Variants in PDZD2 observed in about 807,000 individuals in gnomAD.
PDZD2 encodes PDZ domain containing 2, also known as PDZ domain-containing protein 2.
In PDZD2, 90 loss-of-function variants were observed where a neutral mutation model predicts 220.7. The observed-to-expected ratio is 0.41, with a 90% CI of 0.34 to 0.49. The LOEUF (loss-of-function observed/expected upper bound fraction) is 0.49. PDZD2 is among the 20% of genes least tolerant of loss of function. PDZD2 has a pLI of 0.28. For synonymous variants in PDZD2, 1,375 were observed against 1,450.5 expected, an observed-to-expected ratio of 0.95 and a Z score of 1.18; for missense variants, 3,174 against 3,608.5, an observed-to-expected ratio of 0.88 and a Z score of 3.08.
chr5:31,930,622 C>A (rs1745197281), intron 2 of PDZD2, among the ~76,000 whole-genome samples: 1 of 152,120 alleles, frequency 6.6e-6, no homozygotes, highest in African/African-American at 2.4e-5. Flanking sequence ...TTGAGTGTTT[C>A]AAGCAGATGT....
In PDZD2 at chr5:32,083,823, TG is replaced by T. The variant is rs1742198973; in HGVS notation, c.3683-3307del. On this transcript the variant is annotated intron_variant, in intron 19 of 24. Transcript: ENST00000438447. The surrounding 1 kb of genome is among the most constrained non-coding windows in gnomAD (Gnocchi z 4.1). ...TCCCAAGCAGCTGGGATTACAGACG[TG>T]CACCACCACACCTGGCTAATTTTTG... 6.6e-6 allele frequency among the ~76,000 whole-genome samples: 1 copy of T among 151,936 alleles called. No individual in the cohort carries two copies.
At chr5:32,051,862 C>T (rs147319032) in intron 8 of PDZD2, among the ~76,000 whole-genome samples, 1 of 152,270 alleles carries the variant, frequency 6.6e-6, no homozygotes, top group East Asian at 1.9e-4. Context: ...GAAACAAGGG[C>T]TTGCTGAGTT....
intron 5 of PDZD2, among the ~76,000 whole-genome samples, chr5:32,009,003 C>T (rs1753073728): frequency 6.6e-6 from 1 of 151,552 alleles, no homozygotes; most frequent in Non-Finnish European, 1.5e-5. Flanking sequence ...GGTGGGGAGA[C>T]AGGAGGAGGG....
In PDZD2 at chr5:32,090,691, G is replaced by A. The variant is rs867943785; in HGVS notation, c.7243G>A (p.Ala2415Thr). ...AGCCGGCACCCTCCTGCCCCAGATG[G>A]CCAAGTCTCCCTCAATCATGACACT... ...SEAGTLLPQM[A>T]KSPSIMTLTI... is the part of the protein sequence containing the mutation. Residue 2415 changes from alanine (A) to threonine (T), a missense_variant, in exon 20 of 25, where the codon GCC (alanine) becomes ACC (threonine). Ala to Thr is a moderately conservative substitution (Grantham distance 58). Coordinates refer to ENST00000438447, the MANE Select transcript of PDZD2 (RefSeq NM_178140.4). This position sits in a 1 kb window ranked among gnomAD's most constrained non-coding sequence, Gnocchi z 4.3. 6.2e-7 allele frequency: 1 copy of A among 1,614,144 alleles called. No individual in the cohort carries two copies. Among genetic ancestry groups the A allele is most frequent in the South Asian group, 1.1e-5 (1 of 91,086 alleles).
Position 31,908,523 on chromosome 5 carries a change from C to T in PDZD2, c.477-74632C>T, listed in dbSNP as rs73751253. 8,547 of 1,073,330 alleles carry T rather than the reference C, an allele frequency of 8.0e-3. 476 individuals carry two copies. In the African/African-American group the frequency reaches 0.12, roughly 15 times the overall value. 66.5% of individuals were successfully genotyped at this position (1,073,330 alleles called of 1,614,324 possible). On this transcript the variant is annotated intron_variant, in intron 2 of 24. Coordinates refer to ENST00000438447, the MANE Select transcript of PDZD2 (RefSeq NM_178140.4). ...GTGGAAATGCCTCCGCTGAAGGCCCCGAGGGCGAGGGCACGGAAAGCACAG... is the reference window on the plus strand; with the variant it reads ...GTGGAAATGCCTCCGCTGAAGGCCCTGAGGGCGAGGGCACGGAAAGCACAG...
At chr5:31,910,199 G>C (rs182510770) in intron 2 of PDZD2, among the ~76,000 whole-genome samples, 1 of 148,632 alleles carries the variant, frequency 6.7e-6, no homozygotes, top group Non-Finnish European at 1.5e-5. Flanking sequence ...CCCAGCTGTG[G>C]AGCTCCAGAG....
intron 6 of PDZD2, among the ~76,000 whole-genome samples, chr5:32,026,547 G>T (rs960814284): frequency 1.3e-5 from 2 of 151,958 alleles, no homozygotes; most frequent in African/African-American, 4.8e-5. Flanking sequence ...ATGCGTGCAC[G>T]TGCACGCACG....
chr5:31,763,928 C>CG (rs1315867630), intron 1 of PDZD2, among the ~76,000 whole-genome samples: 2 of 150,426 alleles, frequency 1.3e-5, no homozygotes, highest in Non-Finnish European at 2.9e-5. Flanking sequence ...GTAGTGAGCT[C>CG]GGGCTCTGAC....
intron 2 of PDZD2, among the ~76,000 whole-genome samples, chr5:31,856,282 C>T (rs1758437092): frequency 6.6e-6 from 1 of 152,124 alleles, no homozygotes; most frequent in Non-Finnish European, 1.5e-5. Flanking sequence ...GACCCACCCA[C>T]AGTTAATCCA....
At chr5:31,771,851 T>G (rs1752356396) in intron 1 of PDZD2, among the ~76,000 whole-genome samples, 1 of 152,168 alleles carries the variant, frequency 6.6e-6, no homozygotes, top group Middle Eastern at 3.2e-3. Context: ...ACTTTTCCCT[T>G]CTTAGGCCTC....
At chr5:31,850,237 TATATATAC>T in intron 2 of PDZD2, among the ~76,000 whole-genome samples, 1 of 99,100 alleles carries the variant, frequency 1.0e-5, no homozygotes, top group African/African-American at 3.4e-5. Context: ...TATATATATA[TATATATAC>T]ACACACACAC....
At chr5:32,015,243 G>A (rs904664560) in intron 6 of PDZD2, among the ~76,000 whole-genome samples, 4 of 151,544 alleles carry the variant, frequency 2.6e-5, no homozygotes, top group African/African-American at 7.3e-5. Flanking sequence ...CACCTAGCCC[G>A]ACAATTTCTT....
At position 32,089,112 on chromosome 5, in the gene PDZD2, C is replaced by T. The variant is rs576338336; in HGVS notation, c.5664C>T (p.Leu1888=). The T allele has an allele frequency of 2.5e-6, 4 of 1,614,128 alleles. No homozygotes were observed. Among genetic ancestry groups the T allele is most frequent in the African/African-American group, 2.7e-5 (2 of 75,044 alleles). ...AGTGTGGTCCGAAGCTGAAGAGGCT[C>T]AGCCTCAAGGGCAAGGCCAAAGTCA... is the stretch of plus-strand genomic sequence containing the variant. ...KAKCGPKLKR[L]SLKGKAKVNS... is the part of the protein sequence containing the mutation. Residue 1888 remains leucine, a synonymous_variant, in exon 20 of 25, where the codon CTC becomes CTT. Coordinates refer to ENST00000438447, the MANE Select transcript of PDZD2 (RefSeq NM_178140.4).
rs553560920 is a variant in PDZD2, at chr5:32,020,245, C to T, written c.1407+9763C>T. ...GTCTCAAACTCCTGACCTCGTGATC[C>T]GCCTGCCTTGACCTCCCAAAGTGCT... is the stretch of plus-strand genomic sequence containing the variant. On this transcript the variant is annotated intron_variant, in intron 6 of 24. Transcript: ENST00000438447. Among the ~76,000 whole-genome samples the T allele has an allele frequency of 2.2e-4, 34 of 152,142 alleles. 1 individual carries two copies. The East Asian group carries it at 4.6e-3, about 21-fold the overall frequency.
chr5:32,104,555 C>G (rs1744555453), intron 24 of PDZD2, among the ~76,000 whole-genome samples: 1 of 150,828 alleles, frequency 6.6e-6, no homozygotes, highest in African/African-American at 2.4e-5. Flanking sequence ...GAAACCCCGT[C>G]TCTACTAAAA....
intron 8 of PDZD2, among the ~76,000 whole-genome samples, chr5:32,049,282 G>T (rs761054832): frequency 1.3e-5 from 2 of 152,164 alleles, no homozygotes; most frequent in African/African-American, 2.4e-5. Context: ...GGTAGAAACC[G>T]GTCAGGTGGT....
chr5:31,907,210 T>G (rs1313861696), intron 2 of PDZD2, among the ~76,000 whole-genome samples: 1 of 152,208 alleles, frequency 6.6e-6, no homozygotes, highest in African/African-American at 2.4e-5. Context: ...TTTCTCACAG[T>G]TCTGGAGGCT....
intron 1 of PDZD2, among the ~76,000 whole-genome samples, chr5:31,708,756 G>C (rs1422969668): frequency 6.6e-6 from 1 of 152,116 alleles, no homozygotes. Flanking sequence ...GTCAATTTGG[G>C]GTCACCTTCA....
chr5:32,006,007 C>T (rs1396078839), intron 5 of PDZD2, among the ~76,000 whole-genome samples: 1 of 151,962 alleles, frequency 6.6e-6, no homozygotes, highest in Non-Finnish European at 1.5e-5. Flanking sequence ...ATTAGCCAGG[C>T]ATGGTGGCGT....
Sources: gnomAD v4.1 joint callset for allele counts (sites outside exome capture counted in the v4.1 genomes callset) on GRCh38, gnomAD v4.1.1 for gene constraint, Gnocchi (gnomAD v3.1) non-coding constraint, MANE v1.5 for transcripts, NCBI Gene and HGNC (gene_info 2026-07-23, HGNC 2026-07-21) for gene names.